CNTN5: variants seen among roughly 807,000 people sequenced by gnomAD.
CNTN5 encodes the protein contactin 5.
Under a neutral mutation model 129.1 loss-of-function variants are expected in CNTN5, and 77 were observed. The observed-to-expected ratio is 0.60, with a 90% CI of 0.50 to 0.72. The LOEUF (loss-of-function observed/expected upper bound fraction) is 0.72. Among genes scored for constraint, CNTN5 ranks in the 30% least tolerant of loss-of-function variants. The pLI, the probability that CNTN5 is intolerant of heterozygous loss-of-function variation, is 0.00. For synonymous variants in CNTN5, 509 were observed against 465.6 expected, an observed-to-expected ratio of 1.09 and a Z score of -1.20; for missense variants, 1,478 against 1,328.8, an observed-to-expected ratio of 1.11 and a Z score of -1.75.
chr11:99,267,037 A>G (rs867456593), intron 1 of CNTN5, among the ~76,000 whole-genome samples: 1 of 151,170 alleles, frequency 6.6e-6, no homozygotes, highest in Non-Finnish European at 1.5e-5. Context: ...AGAAGGCTTT[A>G]AAAAAAAAGG....
intron 9 of CNTN5, among the ~76,000 whole-genome samples, chr11:100,032,318 G>T (rs1489964695): frequency 6.6e-6 from 1 of 151,896 alleles, no homozygotes; most frequent in East Asian, 1.9e-4. Context: ...TTACATTAAA[G>T]AATTATAGTT....
At chr11:99,814,142 A>G (rs1946512296) in intron 3 of CNTN5, among the ~76,000 whole-genome samples, 1 of 152,194 alleles carries the variant, frequency 6.6e-6, no homozygotes. Context: ...GTCCTTGAAC[A>G]GTGAAGATGG....
chr11:99,304,620 C>T (rs1170700211), intron 1 of CNTN5, among the ~76,000 whole-genome samples: 2 of 152,216 alleles, frequency 1.3e-5, no homozygotes, highest in Non-Finnish European at 1.5e-5. Context: ...TAAACTCACA[C>T]TCACTACCTT....
intron 2 of CNTN5, among the ~76,000 whole-genome samples, chr11:99,455,533 T>C (rs1187779507): frequency 6.6e-6 from 1 of 151,980 alleles, no homozygotes; most frequent in African/African-American, 2.4e-5. Context: ...CAGAAGAGTA[T>C]GCTGTTGTCG....
chr11:99,109,174 T>G (rs1857665660), intron 1 of CNTN5, among the ~76,000 whole-genome samples: 1 of 151,778 alleles, frequency 6.6e-6, no homozygotes, highest in Admixed American at 6.6e-5. Flanking sequence ...TATATGACTA[T>G]CTGATGTTGT....
chr11:99,725,746 T>C (rs1281143476), intron 3 of CNTN5, among the ~76,000 whole-genome samples: 1 of 152,164 alleles, frequency 6.6e-6, no homozygotes, highest in Non-Finnish European at 1.5e-5. Flanking sequence ...TGTTGAACAT[T>C]TTCCTTTCAG....
intron 3 of CNTN5, among the ~76,000 whole-genome samples, chr11:99,656,765 T>C (rs1952382594): frequency 6.6e-6 from 1 of 152,072 alleles, no homozygotes; most frequent in Non-Finnish European, 1.5e-5. Flanking sequence ...GATCAGCAAA[T>C]GACCACAGTG....
intron 6 of CNTN5, among the ~76,000 whole-genome samples, chr11:99,858,673 T>A (rs917061559): frequency 2.5e-5 from 3 of 118,954 alleles, no homozygotes; most frequent in African/African-American, 5.5e-5. Flanking sequence ...TTCGAGAGTT[T>A]TTTTAAAGTT....
chr11:99,800,981 G>A (rs1402429690), intron 3 of CNTN5, among the ~76,000 whole-genome samples: 1 of 152,152 alleles, frequency 6.6e-6, no homozygotes, highest in African/African-American at 2.4e-5. Context: ...TTAACTGATA[G>A]TTTTGAAGGT....
chr11:100,315,707 T>A (rs1951561125), intron 21 of CNTN5, among the ~76,000 whole-genome samples: 1 of 152,180 alleles, frequency 6.6e-6, no homozygotes, highest in African/African-American at 2.4e-5. Flanking sequence ...AAATATGAAA[T>A]TCCAAATGTA....
chr11:99,602,766 G>A (rs1950354958), intron 3 of CNTN5, among the ~76,000 whole-genome samples: 1 of 150,548 alleles, frequency 6.6e-6, no homozygotes, highest in East Asian at 2.0e-4. Flanking sequence ...CGGGCAGACT[G>A]CCTCCTCAAG....
intron 1 of CNTN5, among the ~76,000 whole-genome samples, chr11:99,209,593 G>C (rs759575500): frequency 2.6e-5 from 4 of 152,090 alleles, no homozygotes; most frequent in Non-Finnish European, 5.9e-5. Context: ...CAACAATGGG[G>C]ATTACATTGC....
intron 2 of CNTN5, among the ~76,000 whole-genome samples, chr11:99,357,101 A>C (rs1938728213): frequency 6.6e-6 from 1 of 152,180 alleles, no homozygotes; most frequent in African/African-American, 2.4e-5. Context: ...ACTTTTATTG[A>C]TAGGTGGCAA....
chr11:100,040,042 A>C (rs564208097), intron 9 of CNTN5, among the ~76,000 whole-genome samples: 56 of 152,096 alleles, frequency 3.7e-4, no homozygotes, highest in Non-Finnish European at 7.2e-4. Context: ...GAGGAGAGGC[A>C]CTCTGATTTT....
intron 2 of CNTN5, among the ~76,000 whole-genome samples, chr11:99,455,379 G>A (rs931535805): frequency 2.0e-5 from 3 of 151,148 alleles, no homozygotes; most frequent in Non-Finnish European, 4.4e-5. Context: ...AGAAATAAAA[G>A]AAATTTAGGA....
chr11:99,362,823 T>A lies in CNTN5; in HGVS notation c.-71+37339T>A, dbSNP rs547563976. On this transcript the variant is annotated intron_variant, in intron 2 of 24. Coordinates refer to ENST00000524871, the MANE Select transcript of CNTN5 (RefSeq NM_014361.4). ...CTTGGCTAACTTATCAGAAACAAAT[T>A]GTGCATATGTGTAAAGTTTATTTCT... 2.0e-5 allele frequency among the ~76,000 whole-genome samples: 3 copies of A among 152,178 alleles called. No individual in the cohort carries two copies. The East Asian group carries it at 5.8e-4, about 29-fold the overall frequency.
chr11:100,189,832 T>C (rs1043047035), intron 13 of CNTN5, among the ~76,000 whole-genome samples: 1 of 152,154 alleles, frequency 6.6e-6, no homozygotes, highest in Non-Finnish European at 1.5e-5. Flanking sequence ...AAAATGAAGT[T>C]CACCATTTCT....
At chr11:99,612,935 C>T (rs1950634669) in intron 3 of CNTN5, among the ~76,000 whole-genome samples, 1 of 152,116 alleles carries the variant, frequency 6.6e-6, no homozygotes, top group Non-Finnish European at 1.5e-5. Context: ...GCACTGGACC[C>T]AGAAACAAGA....
intron 3 of CNTN5, among the ~76,000 whole-genome samples, chr11:99,805,614 A>G (rs1946245564): frequency 6.6e-6 from 1 of 152,194 alleles, no homozygotes; most frequent in Admixed American, 6.5e-5. Flanking sequence ...TTCATAAACC[A>G]TGGTGACCAA....
Sources: allele counts gnomAD v4.1 joint callset (sites outside exome capture counted in the v4.1 genomes callset), GRCh38; gene constraint gnomAD v4.1.1; transcripts MANE v1.5; gene names NCBI Gene and HGNC (gene_info 2026-07-23, HGNC 2026-07-21).